The following SLC9A2 variants were observed in gnomAD, a reference collection of about 807,000 sequenced individuals.
SLC9A2 encodes the protein sodium/hydrogen exchanger 2.
SLC9A2 carries 42 observed loss-of-function variants against 71.7 expected under a neutral mutation model. The ratio of observed to expected loss-of-function variants is 0.59; its 90% CI spans 0.46 to 0.76. SLC9A2 has a LOEUF of 0.76. SLC9A2 is among the 30% of genes least tolerant of loss of function. The pLI is 0.00. For synonymous variants in SLC9A2, 396 were observed against 392.5 expected (o/e 1.01, Z -0.10); for missense variants, 829 against 1,017.4 (o/e 0.81, Z 2.52).
chr2:102,682,000 G>A (rs921154577), intron 3 of SLC9A2, among the ~76,000 whole-genome samples: 1 of 152,164 alleles, frequency 6.6e-6, no homozygotes, highest in Non-Finnish European at 1.5e-5. Context: ...TCCGAGTGAG[G>A]AGGACCACAT....
In SLC9A2 at chr2:102,681,343, A is replaced by T. The variant is rs1481691085; in HGVS notation, c.1005-1918A>T. On this transcript the variant is annotated intron_variant, in intron 3 of 11. Coordinates refer to ENST00000233969, the MANE Select transcript of SLC9A2 (RefSeq NM_003048.6). ...TGCCTTGGCCTCCCAAACTGCTGGG[A>T]TGACAGGTGTGAGCCACCATGCCCG... Among the ~76,000 whole-genome samples, 8 of 151,170 alleles carry T rather than the reference A, an allele frequency of 5.3e-5. No individual in the cohort carries two copies. In the East Asian group the frequency reaches 9.6e-4, roughly 18 times the overall value.
chr2:102,670,685 A>C (rs1677231553), intron 3 of SLC9A2, among the ~76,000 whole-genome samples: 1 of 151,664 alleles, frequency 6.6e-6, no homozygotes, highest in African/African-American at 2.4e-5. Context: ...AATTTCCAGA[A>C]TGATAGGTTT....
chr2:102,639,567 C>T (rs544550998), intron 1 of SLC9A2, among the ~76,000 whole-genome samples: 6 of 152,204 alleles, frequency 3.9e-5, no homozygotes, highest in Non-Finnish European at 8.8e-5. Flanking sequence ...CTTATGCAGT[C>T]ACAGCAATAT....
intron 1 of SLC9A2, among the ~76,000 whole-genome samples, chr2:102,635,796 C>T (rs1450880060): frequency 6.6e-6 from 1 of 152,056 alleles, no homozygotes; most frequent in Non-Finnish European, 1.5e-5. Flanking sequence ...CTAAGCACCA[C>T]ACATGAGAGG....
At chr2:102,692,391 A>C (rs1677681132) in intron 5 of SLC9A2, among the ~76,000 whole-genome samples, 1 of 152,204 alleles carries the variant, frequency 6.6e-6, no homozygotes, top group African/African-American at 2.4e-5. Context: ...TTAAAGTCTG[A>C]AAGACATGAG....
chr2:102,619,841 C>A lies in SLC9A2; in HGVS notation c.-8C>A, dbSNP rs190686338. ...CGCCGGTCCCCTTGGCGGCAACCGG[C>A]GGCACCCATGGAACCACTGGGCAAC... On this transcript the variant is annotated 5_prime_UTR_variant, in exon 1 of 12. Coordinates refer to ENST00000233969, the MANE Select transcript of SLC9A2 (RefSeq NM_003048.6). The surrounding 1 kb of genome is among the most constrained non-coding windows in gnomAD (Gnocchi z 4.3). The A allele has an allele frequency of 4.2e-4, 624 of 1,487,534 alleles. 4 individuals carry two copies. The African/African-American group carries it at 7.6e-3, about 18-fold the overall frequency. 92.1% of individuals were successfully genotyped at this position (1,487,534 alleles called of 1,614,324 possible).
chr2:102,635,565 A>G (rs1676454068), intron 1 of SLC9A2, among the ~76,000 whole-genome samples: 1 of 152,144 alleles, frequency 6.6e-6, no homozygotes, highest in African/African-American at 2.4e-5. Context: ...TTGGCTGTTC[A>G]CTCGCTGTCC....
chr2:102,650,639 T>A (rs1304039183), intron 1 of SLC9A2, among the ~76,000 whole-genome samples: 10 of 152,238 alleles, frequency 6.6e-5, no homozygotes, highest in African/African-American at 2.2e-4. Context: ...CTGCCTTTTC[T>A]GATAACACTG....
rs1677967749 is a variant in SLC9A2 at position 102,705,979 on chromosome 2, C to T, written c.2068+43C>T. On this transcript the variant is annotated intron_variant, in intron 11 of 11. Transcript: ENST00000233969. ...AGCAGAAAAATTTTAAATTTATTTG[C>T]CAATGTTTATAAACTAGACAAATTT... is the stretch of plus-strand genomic sequence containing the variant. The T allele has an allele frequency of 4.1e-6, 5 of 1,218,596 alleles. No individual in the cohort carries two copies. The African/African-American group carries it at 6.2e-5, about 15-fold the overall frequency. 75.5% of individuals were successfully genotyped at this position (1,218,596 alleles called of 1,614,324 possible). A position where few individuals can be genotyped will look rare whatever the true frequency, so the allele number is the denominator to read the frequency against.
intron 1 of SLC9A2, among the ~76,000 whole-genome samples, chr2:102,645,977 G>A (rs1676715505): frequency 1.3e-5 from 2 of 151,982 alleles, no homozygotes; most frequent in Admixed American, 6.6e-5. Flanking sequence ...TCCTCAAGAA[G>A]AGCAACCACA....
At chr2:102,633,296 C>T (rs1199523855) in intron 1 of SLC9A2, among the ~76,000 whole-genome samples, 1 of 152,058 alleles carries the variant, frequency 6.6e-6, no homozygotes, top group Non-Finnish European at 1.5e-5. Flanking sequence ...AGAGGTGGGG[C>T]CACAGCTAGT....
chr2:102,634,964 C>G (rs1331016826), intron 1 of SLC9A2, among the ~76,000 whole-genome samples: 3 of 152,180 alleles, frequency 2.0e-5, no homozygotes, highest in Admixed American at 1.3e-4. Flanking sequence ...TCTGTGTTAT[C>G]AGGGTCCACA....
chr2:102,626,935 G>C (rs927903483), intron 1 of SLC9A2, among the ~76,000 whole-genome samples: 1 of 152,096 alleles, frequency 6.6e-6, no homozygotes, highest in African/African-American at 2.4e-5. Flanking sequence ...ATTTCTTACA[G>C]AATTATTTCA....
intron 11 of SLC9A2, among the ~76,000 whole-genome samples, chr2:102,706,449 T>C (rs1352460498): frequency 6.6e-6 from 1 of 151,596 alleles, no homozygotes; most frequent in African/African-American, 2.4e-5. Context: ...TGGGGAGGGA[T>C]AGCATTAGGA....
rs567533669 is a variant in SLC9A2, at chr2:102,628,927, C to T, written c.289+8790C>T. On this transcript the variant is annotated intron_variant, in intron 1 of 11. Transcript: ENST00000233969. Reference sequence around the variant, plus strand: ...GATTTTTAGTGTTGATTGTGATATCCTTTATGGCTTATTTTATGGACATTT... The same window carrying T: ...GATTTTTAGTGTTGATTGTGATATCTTTTATGGCTTATTTTATGGACATTT... Among the ~76,000 whole-genome samples, 4 of 152,108 alleles carry T rather than the reference C, an allele frequency of 2.6e-5. No individual in the cohort carries two copies. The East Asian group carries it at 7.7e-4, about 29-fold the overall frequency.
intron 2 of SLC9A2, among the ~76,000 whole-genome samples, chr2:102,662,674 G>A (rs1677070123): frequency 6.6e-6 from 1 of 152,076 alleles, no homozygotes; most frequent in African/African-American, 2.4e-5. Context: ...GACAAGGAAA[G>A]GAAAGCAGGA....
At chr2:102,670,849 C>CTTTTTTTTTTTTTTTTTTTTTT (rs10687841) in intron 3 of SLC9A2, among the ~76,000 whole-genome samples, 14 of 75,890 alleles carry the variant, frequency 1.8e-4, no homozygotes, top group South Asian at 6.1e-4. Context: ...GGAAGGCATG[C>CTTTTTTTTTTTTTTTTTTTTTT]TTTTTTTTTT....
At chr2:102,693,908 G>C (rs371760562) in intron 5 of SLC9A2, among the ~76,000 whole-genome samples, 12 of 152,214 alleles carry the variant, frequency 7.9e-5, no homozygotes, top group African/African-American at 2.9e-4. Flanking sequence ...TCATTGATAA[G>C]TTTTCTATGG....
chr2:102,667,099 G>A (rs949759245), intron 3 of SLC9A2, among the ~76,000 whole-genome samples: 1 of 152,334 alleles, frequency 6.6e-6, no homozygotes, highest in African/African-American at 2.4e-5. Context: ...CTGAGTTACA[G>A]GTTGGGTGGT....
Sources: allele counts gnomAD v4.1 joint callset (sites outside exome capture counted in the v4.1 genomes callset), GRCh38; gene constraint gnomAD v4.1.1; non-coding constraint Gnocchi (gnomAD v3.1); transcripts MANE v1.5; gene names NCBI Gene and HGNC (gene_info 2026-07-23, HGNC 2026-07-21).